The following EFCAB3 variants were observed in gnomAD, a reference collection of about 807,000 sequenced individuals.
EFCAB3 encodes the protein EF-hand calcium-binding domain-containing protein 3.
EFCAB3 carries 36 observed loss-of-function variants against 42.2 expected under a neutral mutation model. The observed-to-expected ratio is 0.85, with a 90% CI of 0.65 to 1.13. EFCAB3 has a LOEUF of 1.13. Ranked by LOEUF, EFCAB3 falls within the 50% of genes most tolerant of loss-of-function variation. EFCAB3 has a pLI of 0.00. For synonymous variants in EFCAB3, 170 were observed against 172.8 expected (o/e 0.98, Z 0.13); for missense variants, 418 against 505.1 (o/e 0.83, Z 1.65).
At position 62,395,174 on chromosome 17, in the gene EFCAB3, A is replaced by G; in HGVS notation, c.474A>G (p.Ile158Met). 1.9e-6 allele frequency: 3 copies of G among 1,613,632 alleles called. No homozygotes were observed. Among genetic ancestry groups the G allele is most frequent in the Non-Finnish European group, 2.5e-6 (3 of 1,179,904 alleles). Residue 158 changes from isoleucine to methionine, a missense_variant, in exon 6 of 10, where the codon ATA (isoleucine) becomes ATG (methionine). By Grantham distance (10) the Ile-to-Met change is conservative. Transcript: ENST00000305286. Reference sequence around the variant, plus strand: ...CTTCAGCCCTACCCAGAAAGTCTATAATAGAAATAGTAAGGTAAGTGAGAA... The same window carrying G: ...CTTCAGCCCTACCCAGAAAGTCTATGATAGAAATAGTAAGGTAAGTGAGAA... ...LETSALPRKS[I>M]IEIVSYFQRK...
intron 6 of EFCAB3, among the ~76,000 whole-genome samples, chr17:62,403,811 G>T (rs564353708): frequency 3.2e-4 from 49 of 152,188 alleles, no homozygotes; most frequent in African/African-American, 1.1e-3. Flanking sequence ...ACCATGCCTG[G>T]CTAATCTTTG....
intron 1 of EFCAB3, among the ~76,000 whole-genome samples, chr17:62,371,614 T>TA (rs1293715878): frequency 6.6e-6 from 1 of 151,988 alleles, no homozygotes; most frequent in African/African-American, 2.4e-5. Context: ...AAATCACAAA[T>TA]ACAACCAATA....
At chr17:62,397,019 C>T (rs2070355989) in intron 6 of EFCAB3, among the ~76,000 whole-genome samples, 1 of 152,172 alleles carries the variant, frequency 6.6e-6, no homozygotes, top group Admixed American at 6.5e-5. Context: ...AGTTAAATAA[C>T]TTGCCCAAGA....
chr17:62,408,555 G>T (rs1315768610), intron 8 of EFCAB3, among the ~76,000 whole-genome samples: 1 of 152,164 alleles, frequency 6.6e-6, no homozygotes, highest in African/African-American at 2.4e-5. Context: ...AGCTGTTTAA[G>T]TTTCAATTAA....
At chr17:62,402,729 AG>A (rs915996843) in intron 6 of EFCAB3, among the ~76,000 whole-genome samples, 14 of 152,186 alleles carry the variant, frequency 9.2e-5, no homozygotes, top group Non-Finnish European at 2.1e-4. Context: ...GATGTTCATC[AG>A]GGATATTGGT....
rs771286833 is a variant in EFCAB3 at position 62,413,831 on chromosome 17, G to C, written c.967G>C (p.Asp323His). ...GAAAAAGCAGACTTGTACAGTGGCC[G>C]ATGCAACTGCTATTAAACAACATGT... ...LKKKQTCTVA[D>H]ATAIKQHVKR... The change falls in exon 9 of 10, where the codon GAT becomes CAT. Residue 323 changes from aspartate (D) to histidine (H), a missense_variant. Physicochemically the swap from Asp to His is moderately conservative, Grantham distance 81 (BLOSUM62 -1). Coordinates refer to ENST00000305286, the MANE Select transcript of EFCAB3 (RefSeq NM_173503.4). 6 of 1,611,040 alleles carry C rather than the reference G, an allele frequency of 3.7e-6. No homozygotes were observed. Among genetic ancestry groups the C allele is most frequent in the Non-Finnish European group, 5.1e-6 (6 of 1,178,908 alleles).
chr17:62,408,653 C>T (rs1259468847), intron 8 of EFCAB3, among the ~76,000 whole-genome samples: 1 of 152,172 alleles, frequency 6.6e-6, no homozygotes, highest in Non-Finnish European at 1.5e-5. Flanking sequence ...CTAATGGCTA[C>T]TATACTGGAT....
chr17:62,385,766 C>G (rs915491955), intron 2 of EFCAB3, among the ~76,000 whole-genome samples: 77 of 134,176 alleles, frequency 5.7e-4, no homozygotes, highest in African/African-American at 2.2e-3. Context: ...GTCACCCAGA[C>G]TGGAGTGCAG....
intron 6 of EFCAB3, among the ~76,000 whole-genome samples, chr17:62,406,251 G>C (rs1013984659): frequency 1.3e-5 from 2 of 152,010 alleles, no homozygotes; most frequent in African/African-American, 4.8e-5. Flanking sequence ...GGGGAAAAAA[G>C]GAGACCAAAA....
intron 2 of EFCAB3, among the ~76,000 whole-genome samples, chr17:62,384,708 C>T (rs970241574): frequency 1.3e-5 from 2 of 152,216 alleles, no homozygotes; most frequent in Non-Finnish European, 2.9e-5. Flanking sequence ...GCATCTTCTA[C>T]ATCATGCAAA....
chr17:62,378,756 G>C (rs7222074), upstream of EFCAB3, among the ~76,000 whole-genome samples: 7 of 145,274 alleles, frequency 4.8e-5, no homozygotes, highest in African/African-American at 1.8e-4. Context: ...TCACACACCA[G>C]GGCCTGTTGG....
At chr17:62,406,950 C>G in intron 7 of EFCAB3, 78 bp from the exon 8 acceptor site, 5 of 1,450,220 alleles carry the variant, frequency 3.4e-6, no homozygotes, top group Non-Finnish European at 4.6e-6. Flanking sequence ...CAAAGCAAAA[C>G]AGGCACCACA....
intron 2 of EFCAB3, chr17:62,373,891 T>C (rs2070131641): frequency 8.2e-7 from 1 of 1,218,742 alleles, no homozygotes; most frequent in Admixed American, 2.1e-5. Context: ...TATTATACAA[T>C]ATAAAATTAT....
chr17:62,370,218 G>C, exon 1 of EFCAB3: 2 of 1,466,188 alleles, frequency 1.4e-6, no homozygotes, highest in South Asian at 2.4e-5. Flanking sequence ...CCCTTTCTAA[G>C]GAGAGGTGAT....
chr17:62,412,462 G>C (rs927544814), intron 8 of EFCAB3, among the ~76,000 whole-genome samples: 41 of 151,840 alleles, frequency 2.7e-4, no homozygotes, highest in African/African-American at 9.4e-4. Context: ...TTTCCCCAAG[G>C]GTTTTTTGTT....
At chr17:62,390,774 G>T (rs190042570) in intron 3 of EFCAB3, among the ~76,000 whole-genome samples, 4 of 152,338 alleles carry the variant, frequency 2.6e-5, no homozygotes, top group Non-Finnish European at 1.5e-5. Context: ...TACAGAGCAG[G>T]TATCGTTATC....
chr17:62,375,641 C>A (rs2070144542), upstream of EFCAB3, among the ~76,000 whole-genome samples: 3 of 152,168 alleles, frequency 2.0e-5, no homozygotes, highest in African/African-American at 7.2e-5. Context: ...ACTGAAGCAG[C>A]TGTATCAAGG....
At chr17:62,402,472 C>G (rs2070412271) in intron 6 of EFCAB3, among the ~76,000 whole-genome samples, 1 of 152,234 alleles carries the variant, frequency 6.6e-6, no homozygotes, top group East Asian at 1.9e-4. Context: ...CCATCAATAC[C>G]TAATTTATTG....
At chr17:62,415,103 CAAAAACAAAA>C (rs2070533791) in intron 9 of EFCAB3, among the ~76,000 whole-genome samples, 1 of 142,646 alleles carries the variant, frequency 7.0e-6, no homozygotes, top group African/African-American at 2.8e-5. Context: ...GACTCCGTCT[CAAAAACAAAA>C]AAAAACAAAA....
Sources: gnomAD v4.1 joint callset for allele counts (sites outside exome capture counted in the v4.1 genomes callset) on GRCh38, gnomAD v4.1.1 for gene constraint, MANE v1.5 for transcripts, NCBI Gene and HGNC (gene_info 2026-07-23, HGNC 2026-07-21) for gene names.